CGNL1: variants seen among roughly 807,000 people sequenced by gnomAD.
CGNL1 encodes the protein cingulin-like protein 1.
A neutral mutation model predicts 141.2 loss-of-function variants in CGNL1; 132 were observed. The ratio of observed to expected loss-of-function variants is 0.93; its 90% CI spans 0.81 to 1.08. CGNL1 has a LOEUF of 1.08. Ranked by LOEUF, CGNL1 falls within the 50% of genes least tolerant of loss-of-function variation. The pLI, the probability that CGNL1 is intolerant of heterozygous loss-of-function variation, is 0.00. For missense variants in CGNL1, 1,870 were observed against 1,588.6 expected (o/e 1.18, Z -3.01); for synonymous variants, 690 against 622.1 (o/e 1.11, Z -1.63).
chr15:57,512,283 T>C (rs1453894295), intron 8 of CGNL1, among the ~76,000 whole-genome samples: 1 of 152,216 alleles, frequency 6.6e-6, no homozygotes, highest in Non-Finnish European at 1.5e-5. Flanking sequence ...AGGATTTTTA[T>C]TTTTATTTTT....
chr15:57,421,143 C>T (rs566128671), intron 1 of CGNL1, among the ~76,000 whole-genome samples: 5 of 152,196 alleles, frequency 3.3e-5, no homozygotes, highest in South Asian at 4.2e-4. Context: ...AAGGAAAGGC[C>T]GTGTGAGAAC....
chr15:57,419,918 G>A (rs146133687), intron 1 of CGNL1, among the ~76,000 whole-genome samples: 4 of 152,304 alleles, frequency 2.6e-5, no homozygotes, highest in African/African-American at 9.6e-5. Context: ...AATTCTGCAT[G>A]GGTGAGTTGT....
chr15:57,502,466 G>T (rs774574697), intron 8 of CGNL1, among the ~76,000 whole-genome samples: 10 of 152,248 alleles, frequency 6.6e-5, no homozygotes, highest in Non-Finnish European at 1.2e-4. Flanking sequence ...TTCAACCTGA[G>T]AAAGTTGGTG....
chr15:57,478,093 C>T (rs770389283), intron 8 of CGNL1: 2 of 152,202 alleles, frequency 1.3e-5, no homozygotes, highest in Admixed American at 6.5e-5. Context: ...AATCCTGTCT[C>T]TGAGTTTACG....
intron 4 of CGNL1, among the ~76,000 whole-genome samples, chr15:57,450,323 C>G (rs1040247300): frequency 2.8e-4 from 43 of 152,210 alleles, no homozygotes; most frequent in African/African-American, 9.9e-4. Flanking sequence ...GTCACCCAGT[C>G]TGGAGTGCAG....
In CGNL1 at chr15:57,384,930, A is replaced by G. The variant is rs1027075692; in HGVS notation, c.-16+8363A>G. Among the ~76,000 whole-genome samples, 12 of 152,202 alleles carry G rather than the reference A, an allele frequency of 7.9e-5. 1 individual carries two copies. Among genetic ancestry groups the G allele is most frequent in the Admixed American group, 7.9e-4 (12 of 15,286 alleles). ...TGAGAGTGTGTGGGGAGTGTTTTGCAAAAATAACAGGAGAGAATTTTTGAT... is the reference window on the plus strand; with the variant it reads ...TGAGAGTGTGTGGGGAGTGTTTTGCGAAAATAACAGGAGAGAATTTTTGAT... On this transcript the variant is annotated intron_variant, in intron 1 of 18. Coordinates refer to ENST00000281282, the MANE Select transcript of CGNL1 (RefSeq NM_032866.5).
intron 8 of CGNL1, among the ~76,000 whole-genome samples, chr15:57,475,908 C>A (rs2063650682): frequency 6.6e-6 from 1 of 152,132 alleles, no homozygotes; most frequent in African/African-American, 2.4e-5. Flanking sequence ...GATGACATCT[C>A]CTTCTTGGGT....
chr15:57,472,915 T>TA (rs2063600986), intron 8 of CGNL1, among the ~76,000 whole-genome samples: 1 of 152,206 alleles, frequency 6.6e-6, no homozygotes, highest in Non-Finnish European at 1.5e-5. Context: ...TTTAAACACT[T>TA]ACAGAAGCAG....
At position 57,453,667 on chromosome 15, in the gene CGNL1, C is replaced by A. The variant is rs778805166; in HGVS notation, c.2055-16C>A. The stretch of plus-strand genomic sequence containing the variant: ...AGCCCAGAAGAGCCTGTCTAATGGG[C>A]TTCCTTCCCTGCCAGGCTATTCCAG... On this transcript the variant is annotated splice_polypyrimidine_tract_variant and intron_variant, in intron 6 of 18. Coordinates refer to ENST00000281282, the MANE Select transcript of CGNL1 (RefSeq NM_032866.5). 1.8e-5 allele frequency: 29 copies of A among 1,613,032 alleles called. No homozygotes were observed. The highest frequency in any genetic ancestry group is 2.5e-5 in the Non-Finnish European group (29 of 1,179,600).
At chr15:57,532,841 A>T (rs1216269042) in intron 14 of CGNL1, among the ~76,000 whole-genome samples, 3 of 152,208 alleles carry the variant, frequency 2.0e-5, no homozygotes, top group Non-Finnish European at 4.4e-5. Context: ...TCTATGGCCA[A>T]TAGATTGTTA....
intron 1 of CGNL1, among the ~76,000 whole-genome samples, chr15:57,394,656 C>T (rs1040536803): frequency 6.6e-6 from 1 of 152,156 alleles, no homozygotes; most frequent in Non-Finnish European, 1.5e-5. Context: ...TTACAAATGA[C>T]CTATTGTAAT....
At chr15:57,463,354 T>C (rs1428849908) in intron 8 of CGNL1, among the ~76,000 whole-genome samples, 17 of 152,360 alleles carry the variant, frequency 1.1e-4, no homozygotes, top group African/African-American at 3.8e-4. Context: ...TAGAGACTTA[T>C]GTTACTGCAT....
chr15:57,545,576 G>A lies in CGNL1; in HGVS notation c.3501-16G>A, dbSNP rs374418747. 17 of 1,607,028 alleles carry A rather than the reference G, an allele frequency of 1.1e-5. No homozygotes were observed. The African/African-American group carries it at 1.7e-4, about 16-fold the overall frequency. On this transcript the variant is annotated splice_polypyrimidine_tract_variant and intron_variant, in intron 16 of 18. Coordinates refer to ENST00000281282, the MANE Select transcript of CGNL1 (RefSeq NM_032866.5). ...TGGGAGTGAGAGGGTTCTTGGTTCT[G>A]TCTCCCCTCTTCCAGGGATCGGGCC...
intron 16 of CGNL1, among the ~76,000 whole-genome samples, chr15:57,545,060 G>A (rs1441235048): frequency 3.3e-5 from 5 of 152,194 alleles, no homozygotes; most frequent in Admixed American, 1.3e-4. Flanking sequence ...ATGGGATCAA[G>A]TGAGCACACT....
In CGNL1 at chr15:57,539,689, G is replaced by A. The variant is rs1284055794; in HGVS notation, c.3292-4007G>A. On this transcript the variant is annotated intron_variant, in intron 14 of 18. Transcript: ENST00000281282. ...TCTTGTCCAGCCTGTGTGCTTTACC[G>A]GCAGTCCTTGCCCTTCTTGCCTTTT... is the stretch of plus-strand genomic sequence containing the variant. 3.3e-5 allele frequency among the ~76,000 whole-genome samples: 5 copies of A among 152,274 alleles called. No homozygotes were observed. In the South Asian group the frequency reaches 6.2e-4, roughly 19 times the overall value.
In CGNL1 at chr15:57,545,605, C is replaced by G; in HGVS notation, c.3514C>G (p.Leu1172Val). The change falls in exon 17 of 19, where the codon CTT becomes GTT. Residue 1172 changes from leucine to valine, a missense_variant. Coordinates refer to ENST00000281282, the MANE Select transcript of CGNL1 (RefSeq NM_032866.5). The stretch of plus-strand genomic sequence containing the variant: ...CCCCTCTTCCAGGGATCGGGCCAAT[C>G]TTCAGCTCAGCAACCGGCGGCTGGA... Reference protein sequence around the residue: ...LESEERDRANLQLSNRRLERK... With the variant: ...LESEERDRANVQLSNRRLERK... 1 of 1,613,356 alleles carries G rather than the reference C, an allele frequency of 6.2e-7. No homozygotes were observed. The highest frequency in any genetic ancestry group is 8.5e-7 in the Non-Finnish European group (1 of 1,179,846).
chr15:57,456,840 T>C (rs186948175), intron 7 of CGNL1, among the ~76,000 whole-genome samples: 108 of 152,342 alleles, frequency 7.1e-4, no homozygotes, highest in Non-Finnish European at 7.3e-5. Flanking sequence ...CAGCAGAGTC[T>C]TGTGGTGTTT....
At chr15:57,443,107 G>A (rs1183499299) in intron 4 of CGNL1, among the ~76,000 whole-genome samples, 1 of 152,216 alleles carries the variant, frequency 6.6e-6, no homozygotes, top group East Asian at 1.9e-4. Context: ...AGCTTCAGGT[G>A]TGAAAGAGAA....
At chr15:57,501,289 T>G (rs1307210488) in intron 8 of CGNL1, among the ~76,000 whole-genome samples, 9 of 152,192 alleles carry the variant, frequency 5.9e-5, no homozygotes, top group African/African-American at 2.2e-4. Flanking sequence ...TCTCAGTACC[T>G]CAGTTTCCTC....
Sources: gnomAD v4.1 joint callset for allele counts (sites outside exome capture counted in the v4.1 genomes callset) on GRCh38, gnomAD v4.1.1 for gene constraint, MANE v1.5 for transcripts, NCBI Gene and HGNC (gene_info 2026-07-23, HGNC 2026-07-21) for gene names.